Variants in NAV2 observed in about 807,000 individuals in gnomAD.
NAV2 encodes the protein helicase, APC down-regulated 1.
NAV2 carries 54 observed loss-of-function variants against 223.2 expected under a neutral mutation model. That is an observed-to-expected ratio of 0.24 (90% CI 0.19 to 0.30). NAV2 has a LOEUF of 0.30. Ranked by LOEUF, NAV2 falls within the 10% of genes least tolerant of loss-of-function variation. The probability of loss-of-function intolerance (pLI) is 1.00; values close to 1 mark genes in which losing one functional copy is unlikely to be tolerated. For missense variants in NAV2, 2,806 were observed against 3,147.5 expected (o/e 0.89, Z 2.60); for synonymous variants, 1,279 against 1,239.3 (o/e 1.03, Z -0.67).
intron 1 of NAV2, among the ~76,000 whole-genome samples, chr11:19,776,920 TCTCCCTACTACCCACGCC>T (rs1474692504): frequency 6.6e-6 from 1 of 151,410 alleles, no homozygotes; most frequent in East Asian, 2.0e-4. Context: ...TGCCCAAGGC[TCTCCCTACTACCCACGCC>T]CTCCCCGAAA....
chr11:20,115,510 T>C (rs890737122), intron 37 of NAV2, among the ~76,000 whole-genome samples: 4 of 151,540 alleles, frequency 2.6e-5, no homozygotes, highest in African/African-American at 9.7e-5. Context: ...CAGGCACCTG[T>C]AGTCCCAGCT....
At chr11:19,569,754 A>C (rs940620686) in intron 1 of NAV2, among the ~76,000 whole-genome samples, 1 of 152,146 alleles carries the variant, frequency 6.6e-6, no homozygotes, top group Non-Finnish European at 1.5e-5. Context: ...CGTTGTCAGG[A>C]ACTGATTACA....
chr11:19,884,369 C>G, intron 5 of NAV2: 3 of 1,611,480 alleles, frequency 1.9e-6, no homozygotes, highest in Non-Finnish European at 1.7e-6. Flanking sequence ...CTAGGTTAGA[C>G]TTTCTCTGTG....
chr11:20,008,823 C>T (rs1290734269), intron 11 of NAV2, among the ~76,000 whole-genome samples: 2 of 151,750 alleles, frequency 1.3e-5, no homozygotes, highest in Admixed American at 1.3e-4. Flanking sequence ...ATTTCCCTGG[C>T]ATCTGATAAA....
chr11:19,783,441 C>T (rs2056886156), intron 1 of NAV2, among the ~76,000 whole-genome samples: 1 of 152,148 alleles, frequency 6.6e-6, no homozygotes, highest in African/African-American at 2.4e-5. Context: ...TGTTATCACC[C>T]CATCCTTTTG....
chr11:19,653,486 C>G (rs1292332396), intron 1 of NAV2, among the ~76,000 whole-genome samples: 1 of 152,194 alleles, frequency 6.6e-6, no homozygotes, highest in Non-Finnish European at 1.5e-5. Flanking sequence ...GTTGCTAATA[C>G]TATTCCCATT....
At chr11:19,345,903 T>C (rs1358870274), upstream of NAV2, among the ~76,000 whole-genome samples, 1 of 152,158 alleles carries the variant, frequency 6.6e-6, no homozygotes, top group African/African-American at 2.4e-5. The surrounding 1 kb of genome is among the most constrained non-coding windows in gnomAD (Gnocchi z 5.2). Flanking sequence ...TCTGGGTGTA[T>C]CCCCGCGTCT....
At position 19,444,244 on chromosome 11, in the gene NAV2, A is replaced by G. The variant is rs1409911580; in HGVS notation, c.75+93217A>G. On this transcript the variant is annotated intron_variant, in intron 1 of 37. Coordinates refer to the NAV2 transcript ENST00000360655. The stretch of plus-strand genomic sequence containing the variant: ...GCATGAGCCACTGTGCCTGGCCCTT[A>G]TTATTATCTTTATGGTTGCTGCTAT... Among the ~76,000 whole-genome samples the G allele has an allele frequency of 2.0e-5, 3 of 152,224 alleles. No homozygotes were observed. The East Asian group carries it at 5.8e-4, about 29-fold the overall frequency.
intron 1 of NAV2, among the ~76,000 whole-genome samples, chr11:19,478,381 A>G (rs1262583138): frequency 6.6e-6 from 1 of 152,130 alleles, no homozygotes; most frequent in Non-Finnish European, 1.5e-5. Flanking sequence ...TTTAAATGTG[A>G]GAGGATGAGG....
At chr11:19,925,447 T>A (rs1192722211) in intron 6 of NAV2, among the ~76,000 whole-genome samples, 1 of 152,208 alleles carries the variant, frequency 6.6e-6, no homozygotes, top group African/African-American at 2.4e-5. Flanking sequence ...AATCTTTGCA[T>A]ATGATATAAG....
In NAV2 at chr11:19,785,647, C is replaced by CTTTTTTTTTTTTT. The variant is rs3214722; in HGVS notation, c.268-46825_268-46824insTTTTTTTTTTTTT. On this transcript the variant is annotated intron_variant, in intron 1 of 37. Coordinates refer to ENST00000349880, the MANE Select transcript of NAV2 (RefSeq NM_145117.5). ...AAGATGAGTTTATTGCGTCAGCTGG[C>CTTTTTTTTTTTTT]TTTTTTTTTTTTAAAGCACTAATTG... is the stretch of plus-strand genomic sequence containing the variant. 2.6e-3 allele frequency among the ~76,000 whole-genome samples: 372 copies of CTTTTTTTTTTTTT among 141,788 alleles called. 2 individuals are homozygous for CTTTTTTTTTTTTT. Among genetic ancestry groups the CTTTTTTTTTTTTT allele is most frequent in the East Asian group, 5.7e-3 (28 of 4,900 alleles). The allele number at this position is 141,788 out of a possible 152,430, so 93.0% of individuals were successfully genotyped here. A position where few individuals can be genotyped will look rare whatever the true frequency, so the allele number is the denominator to read the frequency against.
chr11:19,719,646 G>C (rs143164849), intron 1 of NAV2, among the ~76,000 whole-genome samples: 1 of 152,144 alleles, frequency 6.6e-6, no homozygotes, highest in Non-Finnish European at 1.5e-5. Context: ...CCAAGCTCAC[G>C]TTCTTTCCAC....
intron 3 of NAV2, among the ~76,000 whole-genome samples, chr11:19,857,265 G>A (rs2061460240): frequency 6.6e-6 from 1 of 152,224 alleles, no homozygotes. Flanking sequence ...ATGGGTTTAA[G>A]CATGTAATAT....
intron 1 of NAV2, among the ~76,000 whole-genome samples, chr11:19,572,396 G>T (rs2045453734): frequency 6.6e-6 from 1 of 152,228 alleles, no homozygotes; most frequent in African/African-American, 2.4e-5. Context: ...CTCTGCAATA[G>T]AGATTGGAAT....
Position 19,489,612 on chromosome 11 carries a change from C to T in NAV2, c.75+138585C>T, listed in dbSNP as rs186593872. Among the ~76,000 whole-genome samples the T allele has an allele frequency of 3.9e-5, 6 of 152,326 alleles. No individual in the cohort carries two copies. The East Asian group carries it at 7.7e-4, about 20-fold the overall frequency. On this transcript the variant is annotated intron_variant, in intron 1 of 37. Coordinates refer to the NAV2 transcript ENST00000360655. ...ATGTCAGAAGTTAAAATAAATTACA[C>T]GGAGTTGGTGCTCAGCACATGCTAG...
At chr11:19,657,397 G>A (rs1033234872) in intron 1 of NAV2, among the ~76,000 whole-genome samples, 1 of 152,204 alleles carries the variant, frequency 6.6e-6, no homozygotes, top group East Asian at 1.9e-4. Flanking sequence ...GTGGTTCAGA[G>A]AGGGTAGGCA....
intron 1 of NAV2, among the ~76,000 whole-genome samples, chr11:19,414,524 T>A (rs1421510595): frequency 1.3e-5 from 2 of 152,116 alleles, no homozygotes; most frequent in Non-Finnish European, 2.9e-5. Context: ...CTGTCAATAT[T>A]AGACAGATCA....
At chr11:19,669,040 C>G (rs150491943) in intron 1 of NAV2, among the ~76,000 whole-genome samples, 9 of 152,262 alleles carry the variant, frequency 5.9e-5, no homozygotes, top group African/African-American at 2.2e-4. Context: ...CATGGCTGGA[C>G]AAGTGACGGC....
At chr11:19,504,899 A>G (rs2043075138) in intron 1 of NAV2, 1 of 152,232 alleles carries the variant, frequency 6.6e-6, no homozygotes, top group South Asian at 2.1e-4. Context: ...CTTGAAACAT[A>G]GTGTTATTCC....
Sources: allele counts gnomAD v4.1 joint callset (sites outside exome capture counted in the v4.1 genomes callset), GRCh38; gene constraint gnomAD v4.1.1; non-coding constraint Gnocchi (gnomAD v3.1); transcripts MANE v1.5; gene names NCBI Gene and HGNC (gene_info 2026-07-23, HGNC 2026-07-21).